XXYLT1: variants seen among roughly 807,000 people sequenced by gnomAD.
The protein encoded by XXYLT1 is xyloside xylosyltransferase 1.
Under a neutral mutation model 28.9 loss-of-function variants are expected in XXYLT1, and 20 were observed. The ratio of observed to expected loss-of-function variants is 0.69; its 90% CI spans 0.49 to 1.00. XXYLT1 has a LOEUF of 1.00. Ranked by LOEUF, XXYLT1 falls within the 50% of genes least tolerant of loss-of-function variation. The pLI is 0.00. For missense variants in XXYLT1, 542 were observed against 560.1 expected (o/e 0.97, Z 0.33); for synonymous variants, 257 against 253.8 (o/e 1.01, Z -0.12).
chr3:195,268,600 CA>C (rs1265664568), intron 1 of XXYLT1, among the ~76,000 whole-genome samples: 33 of 6,092 alleles, frequency 5.4e-3, no homozygotes, highest in African/African-American at 7.5e-3. Flanking sequence ...CTCCATCTCA[CA>C]AAAAAAAAAA....
chr3:195,245,098 G>A (rs1358595834), intron 1 of XXYLT1, among the ~76,000 whole-genome samples: 2 of 150,984 alleles, frequency 1.3e-5, no homozygotes, highest in African/African-American at 2.4e-5. Context: ...CCTGGGAGAC[G>A]GAGGTTGCAG....
At chr3:195,213,186 G>T (rs961864843) in intron 2 of XXYLT1, among the ~76,000 whole-genome samples, 2 of 151,370 alleles carry the variant, frequency 1.3e-5, no homozygotes, top group Non-Finnish European at 2.9e-5. Flanking sequence ...AGGCTTTCCT[G>T]CCCACATCCG....
chr3:195,077,521 C>A lies in XXYLT1; in HGVS notation c.786-7410G>T, dbSNP rs988071815. Among the ~76,000 whole-genome samples, 1 of 152,192 alleles carries A rather than the reference C, an allele frequency of 6.6e-6. No individual in the cohort carries two copies. The highest frequency in any genetic ancestry group is 2.4e-5 in the African/African-American group (1 of 41,462). On this transcript the variant is annotated intron_variant, in intron 3 of 3. Coordinates refer to ENST00000310380, the MANE Select transcript of XXYLT1 (RefSeq NM_152531.5). The surrounding 1 kb of genome is among the most constrained non-coding windows in gnomAD (Gnocchi z 4.8). ...CGGCTCCTCAGCGATCAGCCCTCGT[C>A]CACCCAGCCAGCCTCCTGGAGTCTG...
chr3:195,172,420 G>GTT (rs1721453835), intron 2 of XXYLT1, among the ~76,000 whole-genome samples: 1 of 152,162 alleles, frequency 6.6e-6, no homozygotes. Context: ...GTACCAAGCC[G>GTT]GAACCTCTGA....
chr3:195,268,699 C>G (rs1334082681), intron 1 of XXYLT1, among the ~76,000 whole-genome samples: 1 of 152,188 alleles, frequency 6.6e-6, no homozygotes, highest in African/African-American at 2.4e-5. Flanking sequence ...ACACTAAACC[C>G]TCACCCCTCA....
chr3:195,126,845 C>T (rs557712632), intron 3 of XXYLT1, among the ~76,000 whole-genome samples: 1 of 152,316 alleles, frequency 6.6e-6, no homozygotes, highest in African/African-American at 2.4e-5. Context: ...GGTGGAAAAA[C>T]ACTACAAATC....
At chr3:195,123,589 G>T (rs1349867450) in intron 3 of XXYLT1, among the ~76,000 whole-genome samples, 1 of 152,122 alleles carries the variant, frequency 6.6e-6, no homozygotes, top group Non-Finnish European at 1.5e-5. Flanking sequence ...TTATTAATGG[G>T]ACTCTGAACG....
chr3:195,182,811 G>C (rs544903658), intron 2 of XXYLT1, among the ~76,000 whole-genome samples: 21 of 152,186 alleles, frequency 1.4e-4, no homozygotes, highest in African/African-American at 4.8e-4. Flanking sequence ...CCTATAAACG[G>C]TAAGGATTAA....
At chr3:195,191,148 G>A (rs1442740547) in intron 2 of XXYLT1, among the ~76,000 whole-genome samples, 2 of 152,088 alleles carry the variant, frequency 1.3e-5, no homozygotes, top group Non-Finnish European at 2.9e-5. Flanking sequence ...GTTGACCCTT[G>A]AACAATACAA....
intron 1 of XXYLT1, among the ~76,000 whole-genome samples, chr3:195,235,089 T>G (rs1290677286): frequency 1.3e-5 from 2 of 152,014 alleles, no homozygotes; most frequent in African/African-American, 2.4e-5. Context: ...CTTTCTTGCT[T>G]GCTTTCTTTT....
At chr3:195,083,785 G>A (rs945847061) in intron 3 of XXYLT1, among the ~76,000 whole-genome samples, 5 of 152,200 alleles carry the variant, frequency 3.3e-5, no homozygotes, top group African/African-American at 9.7e-5. Flanking sequence ...CAGCACTTTG[G>A]GAGGCCGAGG....
intron 3 of XXYLT1, among the ~76,000 whole-genome samples, chr3:195,122,983 C>T (rs982329375): frequency 7.2e-5 from 11 of 152,160 alleles, no homozygotes; most frequent in African/African-American, 2.4e-4. Flanking sequence ...GCTTGGTGAC[C>T]TTGACAAAGT....
In XXYLT1 at chr3:195,070,253, G is replaced by C. The variant is rs1003314372; in HGVS notation, c.786-142C>G. The stretch of plus-strand genomic sequence containing the variant: ...AATCCGCATCACTACACCAGCAAGT[G>C]GCAGAGCTGGGACCTGAACCCAGGG... On this transcript the variant is annotated intron_variant, in intron 3 of 3. Transcript: ENST00000310380. 4.4e-6 allele frequency: 5 copies of C among 1,139,354 alleles called. No individual in the cohort carries two copies. In the African/African-American group the frequency reaches 7.9e-5, roughly 18 times the overall value. 70.6% of individuals were successfully genotyped at this position (1,139,354 alleles called of 1,614,324 possible). A position where few individuals can be genotyped will look rare whatever the true frequency, so the allele number is the denominator to read the frequency against.
At chr3:195,135,665 G>T (rs1719155262) in intron 3 of XXYLT1, among the ~76,000 whole-genome samples, 1 of 152,204 alleles carries the variant, frequency 6.6e-6, no homozygotes, top group African/African-American at 2.4e-5. Flanking sequence ...GCAGGATGGG[G>T]TTCCTGTGAC....
At chr3:195,258,918 T>C (rs566616628) in intron 1 of XXYLT1, among the ~76,000 whole-genome samples, 1 of 152,364 alleles carries the variant, frequency 6.6e-6, no homozygotes, top group South Asian at 2.1e-4. Flanking sequence ...GCAAGCTAGC[T>C]GCACTGCCCT....
chr3:195,068,439 C>T lies in XXYLT1; in HGVS notation c.*1276G>A, dbSNP rs1392905776. Reference sequence around the variant, plus strand: ...GGAGGCCCCATCAAAAGAAATGACGCTTTAATTTCTGCTAAGGTCTACGGT... The same window carrying T: ...GGAGGCCCCATCAAAAGAAATGACGTTTTAATTTCTGCTAAGGTCTACGGT... On this transcript the variant is annotated 3_prime_UTR_variant, in exon 4 of 4. Transcript: ENST00000310380. 1 of 152,148 alleles carries T rather than the reference C, an allele frequency of 6.6e-6. No homozygotes were observed. Among genetic ancestry groups the T allele is most frequent in the Non-Finnish European group, 1.5e-5 (1 of 68,034 alleles). The allele number at this position is 152,148 out of a possible 1,614,324, so 9.4% of individuals were successfully genotyped here. A position where few individuals can be genotyped will look rare whatever the true frequency, so the allele number is the denominator to read the frequency against.
At chr3:195,206,666 G>A (rs1194388484) in intron 2 of XXYLT1, among the ~76,000 whole-genome samples, 1 of 151,946 alleles carries the variant, frequency 6.6e-6, no homozygotes, top group African/African-American at 2.4e-5. Context: ...CTACTCAGGA[G>A]GCTGAGGCAG....
chr3:195,143,789 TATATATATATAGATAG>T (rs1577072903), intron 3 of XXYLT1, among the ~76,000 whole-genome samples: 2 of 121,100 alleles, frequency 1.7e-5, no homozygotes, highest in South Asian at 3.0e-4. Flanking sequence ...TCTCATTATA[TATATATATATAGATAG>T]ATATATATAG....
chr3:195,123,043 G>A (rs1354082022), intron 3 of XXYLT1, among the ~76,000 whole-genome samples: 1 of 152,190 alleles, frequency 6.6e-6, no homozygotes, highest in Non-Finnish European at 1.5e-5. Flanking sequence ...AGGAGCTGGA[G>A]GAGATGATCT....
Sources: allele counts gnomAD v4.1 joint callset (sites outside exome capture counted in the v4.1 genomes callset), GRCh38; gene constraint gnomAD v4.1.1; non-coding constraint Gnocchi (gnomAD v3.1); transcripts MANE v1.5; gene names NCBI Gene and HGNC (gene_info 2026-07-23, HGNC 2026-07-21).